DLG2: variants seen among roughly 807,000 people sequenced by gnomAD.
DLG2 encodes the protein disks large homolog 2.
DLG2 carries 45 observed loss-of-function variants against 132.5 expected under a neutral mutation model. The observed-to-expected ratio is 0.34, with a 90% CI of 0.27 to 0.44. The LOEUF (loss-of-function observed/expected upper bound fraction) is 0.44, where lower values mean the gene tolerates loss of function less well. Among genes scored for constraint, DLG2 ranks in the 20% least tolerant of loss-of-function variants. The pLI is 1.00. For missense variants in DLG2, 1,045 were observed against 1,196.9 expected, an observed-to-expected ratio of 0.87 and a Z score of 1.87; for synonymous variants, 424 against 419.6, an observed-to-expected ratio of 1.01 and a Z score of -0.13.
In DLG2 at chr11:85,345,820, T is replaced by C. The variant is rs188189314; in HGVS notation, c.41-60455A>G. The stretch of plus-strand genomic sequence containing the variant: ...CAAAGAGCACAGCTGCATGCCTTTG[T>C]GTTGCCTTCTCCAGAGCAAAAGTTA... On this transcript the variant is annotated intron_variant, in intron 3 of 27. Coordinates refer to ENST00000376104, the MANE Select transcript of DLG2 (RefSeq NM_001142699.3). 1.2e-3 allele frequency among the ~76,000 whole-genome samples: 186 copies of C among 152,192 alleles called. 1 individual carries two copies. Among genetic ancestry groups the C allele is most frequent in the Middle Eastern group, 3.4e-3 (1 of 294 alleles).
At chr11:83,467,183 C>T (rs2091188589) in intron 25 of DLG2, among the ~76,000 whole-genome samples, 1 of 152,118 alleles carries the variant, frequency 6.6e-6, no homozygotes, top group Non-Finnish European at 1.5e-5. Context: ...AGAAGAAATT[C>T]CCAAATCTCT....
At chr11:84,447,669 T>A (rs1335893787) in intron 7 of DLG2, among the ~76,000 whole-genome samples, 4 of 152,010 alleles carry the variant, frequency 2.6e-5, no homozygotes, top group African/African-American at 7.2e-5. Flanking sequence ...TAAGTTTTAT[T>A]TATTTATTTA....
intron 17 of DLG2, among the ~76,000 whole-genome samples, chr11:83,812,570 A>G (rs1165445981): frequency 6.6e-6 from 1 of 152,190 alleles, no homozygotes; most frequent in Admixed American, 6.5e-5. Context: ...CATAAGGTTT[A>G]CTGGGAATCC....
rs1448264421 is a variant in DLG2, at chr11:84,153,025, T to C, written c.624+10436A>G. ...TTAGAACTCCCTCAAGGACCTCTTG[T>C]ATGGCTGATCTGGTGGTAACAAATT... On this transcript the variant is annotated intron_variant, in intron 9 of 27. Transcript: ENST00000376104. 2.0e-5 allele frequency among the ~76,000 whole-genome samples: 3 copies of C among 152,214 alleles called. 1 individual carries two copies. The highest frequency in any genetic ancestry group is 4.1e-4 in the South Asian group (2 of 4,826).
chr11:85,047,429 G>A (rs1016112240), intron 6 of DLG2, among the ~76,000 whole-genome samples: 4 of 151,968 alleles, frequency 2.6e-5, no homozygotes, highest in Admixed American at 1.3e-4. Context: ...CATATGTAGA[G>A]TCATTGTACT....
At position 85,308,027 on chromosome 11, in the gene DLG2, T is replaced by C. The variant is rs1212017837; in HGVS notation, c.41-22662A>G. ...AAAATTAGCTGGGTGTGGTGGCACA[T>C]GCCTCTAATCCCAGCTACTCAGAGG... On this transcript the variant is annotated intron_variant, in intron 3 of 27. Coordinates refer to ENST00000376104, the MANE Select transcript of DLG2 (RefSeq NM_001142699.3). 3.3e-5 allele frequency among the ~76,000 whole-genome samples: 5 copies of C among 152,058 alleles called. No homozygotes were observed. In the East Asian group the frequency reaches 5.8e-4, roughly 18 times the overall value.
intron 6 of DLG2, among the ~76,000 whole-genome samples, chr11:84,922,807 A>G (rs1438225133): frequency 1.3e-5 from 2 of 151,910 alleles, no homozygotes; most frequent in African/African-American, 4.8e-5. Context: ...AATAATTTTC[A>G]TCTTTTCTTC....
chr11:83,864,884 T>C (rs1262859972), intron 16 of DLG2, among the ~76,000 whole-genome samples: 3 of 152,136 alleles, frequency 2.0e-5, no homozygotes, highest in African/African-American at 7.2e-5. Flanking sequence ...TAATGAAGGC[T>C]GACAAATGAT....
chr11:85,049,960 C>T (rs1014862108), intron 6 of DLG2, among the ~76,000 whole-genome samples: 1 of 151,954 alleles, frequency 6.6e-6, no homozygotes, highest in Admixed American at 6.6e-5. Context: ...TAATTTGAAC[C>T]TATACATCTA....
chr11:84,106,846 AGTGAGTGTGTGTGTGTATGTGT>A (rs2092961766), intron 9 of DLG2, among the ~76,000 whole-genome samples: 2 of 125,290 alleles, frequency 1.6e-5, no homozygotes, highest in South Asian at 2.7e-4. Flanking sequence ...TGTGTGTTTG[AGTGAGTGTGTGTGTGTATGTGT>A]GAGAGAGAGA....
At chr11:83,590,791 A>G (rs1405766053) in intron 19 of DLG2, among the ~76,000 whole-genome samples, 5 of 152,262 alleles carry the variant, frequency 3.3e-5, no homozygotes, top group Admixed American at 6.5e-5. Context: ...AGACACAATA[A>G]AAAATGATAA....
intron 15 of DLG2, among the ~76,000 whole-genome samples, chr11:83,880,948 T>A (rs1235412161): frequency 6.6e-6 from 1 of 152,198 alleles, no homozygotes; most frequent in Non-Finnish European, 1.5e-5. Flanking sequence ...TATGAGATAG[T>A]TTCAAGGTTC....
At chr11:83,590,227 C>G (rs1472700799) in intron 19 of DLG2, among the ~76,000 whole-genome samples, 1 of 150,920 alleles carries the variant, frequency 6.6e-6, no homozygotes, top group Non-Finnish European at 1.5e-5. Context: ...CAAAATTGAC[C>G]ACATAGTTGG....
Position 84,155,614 on chromosome 11 carries a change from G to C in DLG2, c.624+7847C>G, listed in dbSNP as rs1344274742. ...CAGATGTCTTGGGTATGGGGCCACT[G>C]GTAGTCAAGTACCAGCCCCCACTGT... is the stretch of plus-strand genomic sequence containing the variant. On this transcript the variant is annotated intron_variant, in intron 9 of 27. Transcript: ENST00000376104. Among the ~76,000 whole-genome samples the C allele has an allele frequency of 4.0e-5, 6 of 151,862 alleles. No individual in the cohort carries two copies. The East Asian group carries it at 1.2e-3, about 29-fold the overall frequency.
chr11:84,650,849 A>G (rs1489626521), intron 6 of DLG2, among the ~76,000 whole-genome samples: 1 of 92,732 alleles, frequency 1.1e-5, no homozygotes, highest in Non-Finnish European at 2.4e-5. Context: ...ACTTTCCTGT[A>G]TGTGTGTGTG....
At chr11:84,164,295 T>G (rs1375527349) in intron 8 of DLG2, among the ~76,000 whole-genome samples, 1 of 152,244 alleles carries the variant, frequency 6.6e-6, no homozygotes, top group Non-Finnish European at 1.5e-5. Flanking sequence ...TTTCTCATTT[T>G]CATCTATCTC....
intron 11 of DLG2, among the ~76,000 whole-genome samples, chr11:84,022,613 T>C (rs1429405352): frequency 6.6e-6 from 1 of 152,206 alleles, no homozygotes; most frequent in Non-Finnish European, 1.5e-5. Context: ...GCAGAAATCA[T>C]TTTGCATTAT....
intron 7 of DLG2, among the ~76,000 whole-genome samples, chr11:84,261,709 C>A (rs1284109487): frequency 6.6e-6 from 1 of 152,144 alleles, no homozygotes; most frequent in African/African-American, 2.4e-5. Flanking sequence ...TCTTCATCAG[C>A]CACTCCACCT....
intron 4 of DLG2, among the ~76,000 whole-genome samples, chr11:85,237,218 T>C (rs1036648249): frequency 6.6e-6 from 1 of 152,010 alleles, no homozygotes; most frequent in African/African-American, 2.4e-5. Context: ...TTTCATAAAT[T>C]TACAGGGAAA....
Sources: gnomAD v4.1 joint callset for allele counts (sites outside exome capture counted in the v4.1 genomes callset) on GRCh38, gnomAD v4.1.1 for gene constraint, MANE v1.5 for transcripts, NCBI Gene and HGNC (gene_info 2026-07-23, HGNC 2026-07-21) for gene names.